The following MYH7B variants were observed in gnomAD, a reference collection of about 807,000 sequenced individuals.
MYH7B encodes the protein myosin heavy chain 7B, also known as myosin-7B.
In MYH7B, 205 loss-of-function variants were observed where a neutral mutation model predicts 234.5. The observed-to-expected ratio is 0.87, with a 90% CI of 0.78 to 0.98. MYH7B has a LOEUF of 0.98. MYH7B is among the 50% of genes least tolerant of loss of function. The pLI, the probability that MYH7B is intolerant of heterozygous loss-of-function variation, is 0.00. For missense variants in MYH7B, 2,652 were observed against 2,633.4 expected (o/e 1.01, Z -0.15); for synonymous variants, 1,193 against 1,105.0 (o/e 1.08, Z -1.58).
At chr20:34,959,707 G>A (rs2081674557) in intron 2 of MYH7B, among the ~76,000 whole-genome samples, 1 of 152,104 alleles carries the variant, frequency 6.6e-6, no homozygotes, top group South Asian at 2.1e-4. Flanking sequence ...TCGAACTCCT[G>A]ACCTCGTGAT....
At chr20:34,994,458 CT>C in intron 27 of MYH7B, 57 bp downstream of exon 27, 1 of 1,511,926 alleles carries the variant, frequency 6.6e-7, no homozygotes, top group Non-Finnish European at 8.8e-7. Context: ...CCCCTGGCTG[CT>C]CTGAGGGATA....
At position 35,000,460 on chromosome 20, in the gene MYH7B, C is replaced by T. The variant is rs200207301; in HGVS notation, c.4949C>T (p.Thr1650Met). 8.8e-5 allele frequency: 141 copies of T among 1,601,924 alleles called. No homozygotes were observed. In the South Asian group the frequency reaches 1.1e-3, roughly 12 times the overall value. ...CAGGCCACAGAGGCCCAGGCTGCCA[C>T]GCGGCTGATGCAGGCACAGCTCAAG... is the stretch of plus-strand genomic sequence containing the variant. The change falls in exon 39 of 45, where the codon ACG becomes ATG. Residue 1650 changes from threonine to methionine, a missense_variant. Physicochemically the swap from Thr to Met is moderately conservative, Grantham distance 81. Transcript: ENST00000262873.
In MYH7B at chr20:34,999,607, GTGGGAAGAGCA is replaced by G. The variant is rs779916136; in HGVS notation, c.4579_4589del (p.Gly1527ProfsTer16). On this transcript the variant is annotated frameshift_variant, in exon 37 of 45. Coordinates refer to ENST00000262873, the Ensembl canonical transcript of MYH7B. LOFTEE classifies it high-confidence loss of function. ...GACCTCACAGACCAGGTGAGTCTCA[GTGGGAAGAGCA>G]TCCAGGAACTGGAGAAAACCAAGAA... is the stretch of plus-strand genomic sequence containing the variant. 6.2e-7 allele frequency: 1 copy of G among 1,613,490 alleles called. No individual in the cohort carries two copies. Among genetic ancestry groups the G allele is most frequent in the Non-Finnish European group, 8.5e-7 (1 of 1,179,710 alleles).
At position 34,999,661 on chromosome 20, in the gene MYH7B, AGAGT is replaced by A; in HGVS notation, c.4635_4638del (p.Ser1545ArgfsTer48). On this transcript the variant is annotated frameshift_variant, in exon 37 of 45. Coordinates refer to ENST00000262873, the Ensembl canonical transcript of MYH7B. LOFTEE classifies it high-confidence loss of function. ...ACCAAGAAGGCGCTGGAAGGCGAGAAGAGTGAGATCCAGGCTGCACTGGAGGAGG... is the reference window on the plus strand; with the variant it reads ...ACCAAGAAGGCGCTGGAAGGCGAGAAGAGATCCAGGCTGCACTGGAGGAGG... The A allele has an allele frequency of 1.2e-6, 2 of 1,613,792 alleles. No individual in the cohort carries two copies. The highest frequency in any genetic ancestry group is 1.7e-6 in the Non-Finnish European group (2 of 1,179,892).
At position 34,993,422 on chromosome 20, in the gene MYH7B, G is replaced by A. The variant is rs2082194578; in HGVS notation, c.2396G>A (p.Ser799Asn). The change falls in exon 26 of 45, where the codon AGC becomes AAC. Residue 799 changes from serine (S) to asparagine (N), a missense_variant. By Grantham distance (46) the Ser-to-Asn change is conservative. Coordinates refer to ENST00000262873, the Ensembl canonical transcript of MYH7B. ...GTGCTGACGCTGCTGCAGGCGCGGA[G>A]CCGTGGCCGCCTCATGCGCCTTGAG... The A allele has an allele frequency of 1.9e-6, 3 of 1,611,954 alleles. No individual in the cohort carries two copies. The Admixed American group carries it at 5.0e-5, about 27-fold the overall frequency.
In MYH7B at chr20:34,998,896, G is replaced by A. The variant is rs200922360; in HGVS notation, c.4171G>A (p.Glu1391Lys). The A allele has an allele frequency of 5.2e-5, 84 of 1,612,428 alleles. No homozygotes were observed. The highest frequency in any genetic ancestry group is 3.1e-5 in the Non-Finnish European group (37 of 1,179,494). The change falls in exon 35 of 45, where the codon GAG (glutamate) becomes AAG (lysine). Residue 1391 changes from glutamate (E) to lysine (K), a missense_variant. This residue lies in a region of MYH7B where 2,279 missense variants were observed against 2,211.4 expected (regional missense o/e 1.03). Transcript: ENST00000262873. ...CGAAGCAGATGCCATCCAGAGGACC[G>A]AGGAGCTGGAGGAGGCCAAGTGAGT...
At chr20:34,960,894 G>A (rs1010660825) in intron 2 of MYH7B, among the ~76,000 whole-genome samples, 12 of 152,230 alleles carry the variant, frequency 7.9e-5, no homozygotes, top group Admixed American at 5.2e-4. Context: ...TCCTGGGAGG[G>A]AGAAGTTACT....
chr20:34,997,512 G>T, exon 32 of MYH7B: 1 of 1,594,738 alleles, frequency 6.3e-7, no homozygotes. Context: ...GGCGGAGGGC[G>T]CGGCGGAGCT....
intron 27 of MYH7B, among the ~76,000 whole-genome samples, chr20:34,994,710 T>C (rs2082220587): frequency 6.6e-6 from 1 of 152,168 alleles, no homozygotes; most frequent in Admixed American, 6.5e-5. Context: ...TTAAGGGCCA[T>C]GGGAACCCAG....
chr20:34,979,460 CG>C lies in MYH7B; in HGVS notation c.167del (p.Gly56AlafsTer13). 6.2e-7 allele frequency: 1 copy of C among 1,613,804 alleles called. No homozygotes were observed. Among genetic ancestry groups the C allele is most frequent in the Non-Finnish European group, 8.5e-7 (1 of 1,179,850 alleles). ...AGGCCGAGGTCAAGTCGGAGGCTAC[CG>C]GGGGCAGAGTCACCGTGGAGACCAA... On this transcript the variant is annotated frameshift_variant, in exon 6 of 45. Transcript: ENST00000262873. LOFTEE classifies it high-confidence loss of function.
exon 32 of MYH7B, chr20:34,997,435 T>C (rs2082282686): frequency 1.4e-6 from 2 of 1,471,470 alleles, no homozygotes; most frequent in Non-Finnish European, 8.9e-7. Context: ...CTGGGGAGGC[T>C]GCGGCGGGAG....
At position 34,997,237 on chromosome 20, in the gene MYH7B, C is replaced by G. The variant is rs374519727; in HGVS notation, c.3358-14C>G. Reference sequence around the variant, plus strand: ...GCCCACAGAGGTGACAGCTGCCCCACGTGCCCACCCCAGGCTCGGGCGGAG... The same window carrying G: ...GCCCACAGAGGTGACAGCTGCCCCAGGTGCCCACCCCAGGCTCGGGCGGAG... On this transcript the variant is annotated splice_polypyrimidine_tract_variant and intron_variant, in intron 31 of 44. Coordinates refer to ENST00000262873, the Ensembl canonical transcript of MYH7B. 4.5e-6 allele frequency: 7 copies of G among 1,556,730 alleles called. No individual in the cohort carries two copies. The highest frequency in any genetic ancestry group is 6.1e-6 in the Non-Finnish European group (7 of 1,151,376).
intron 2 of MYH7B, among the ~76,000 whole-genome samples, chr20:34,967,457 C>A (rs2081753249): frequency 6.6e-6 from 1 of 151,956 alleles, no homozygotes; most frequent in South Asian, 2.1e-4. Context: ...ACCCTCAGAC[C>A]CTCTGGGTAG....
chr20:34,994,046 T>C, intron 26 of MYH7B, 100 bp from the exon 27 acceptor site: 2 of 1,475,116 alleles, frequency 1.4e-6, no homozygotes, highest in Non-Finnish European at 1.9e-6. Context: ...AGCTACTCCA[T>C]GAGGCTGCTG....
At chr20:34,986,751 G>A in intron 14 of MYH7B, 135 bp from the exon 15 acceptor site, 1 of 678,120 alleles carries the variant, frequency 1.5e-6, no homozygotes, top group South Asian at 1.8e-5. Flanking sequence ...CCCCAGACTG[G>A]GAGATGAGGT....
Position 34,993,184 on chromosome 20 carries a change from C to T in MYH7B, c.2266C>T (p.Leu756=), listed in dbSNP as rs370368688. 9.5e-5 allele frequency: 153 copies of T among 1,613,930 alleles called. No homozygotes were observed. The highest frequency in any genetic ancestry group is 2.0e-4 in the Admixed American group (12 of 60,008). ...GGCCACAGAGAAACTGCTGGGCTCG[C>T]TGGACTTGGATCACACCCAGTACCA... Residue 756 remains leucine, a synonymous_variant, in exon 25 of 45, where the codon CTG becomes TTG. Transcript: ENST00000262873.
chr20:34,977,239 T>G (rs2081869003), intron 3 of MYH7B, among the ~76,000 whole-genome samples: 1 of 152,184 alleles, frequency 6.6e-6, no homozygotes, highest in South Asian at 2.1e-4. Context: ...TTTCCCTGGA[T>G]GTATCAAGAG....
At chr20:34,979,779 A>G (rs1323945532) in exon 7 of MYH7B, 8 of 1,613,792 alleles carry the variant, frequency 5.0e-6, no homozygotes, top group Non-Finnish European at 6.8e-6. Flanking sequence ...AACCTGCGCC[A>G]GCGCTATGCC....
chr20:34,984,980 G>A (rs2081994572), intron 12 of MYH7B, 34 bp downstream of exon 12: 9 of 1,608,836 alleles, frequency 5.6e-6, no homozygotes, highest in Non-Finnish European at 7.7e-6. Context: ...TGGCGGGGAT[G>A]CCGTAGGCCA....
Sources: gnomAD v4.1 joint callset for allele counts (sites outside exome capture counted in the v4.1 genomes callset) on GRCh38, gnomAD v4.1.1 for gene constraint, gnomAD v4.1.1 regional missense constraint, MANE v1.5 for transcripts, NCBI Gene and HGNC (gene_info 2026-07-23, HGNC 2026-07-21) for gene names.